The following ABCF1 variants were observed in gnomAD, a reference collection of about 807,000 sequenced individuals.
ABCF1 encodes ATP-binding cassette sub-family F member 1.
A neutral mutation model predicts 126.3 loss-of-function variants in ABCF1; 73 were observed. The observed-to-expected ratio is 0.58, with a 90% CI of 0.48 to 0.70. ABCF1 has a LOEUF of 0.70. Ranked by LOEUF, ABCF1 falls within the 30% of genes least tolerant of loss-of-function variation. The probability of loss-of-function intolerance (pLI) is 0.00; values close to 1 mark genes in which losing one functional copy is unlikely to be tolerated. For missense variants in ABCF1, 786 were observed against 1,057.5 expected, an observed-to-expected ratio of 0.74 and a Z score of 3.56; for synonymous variants, 345 against 396.4, an observed-to-expected ratio of 0.87 and a Z score of 1.54.
chr6:30,584,369 G>T lies in ABCF1; in HGVS notation c.1242+38G>T. 6.2e-7 allele frequency: 1 copy of T among 1,613,092 alleles called. No homozygotes were observed. The highest frequency in any genetic ancestry group is 1.1e-5 in the South Asian group (1 of 91,080). On this transcript the variant is annotated intron_variant, in intron 13 of 24. Coordinates refer to ENST00000326195, the MANE Select transcript of ABCF1 (RefSeq NM_001025091.2). This position sits in a 1 kb window ranked among gnomAD's most constrained non-coding sequence, Gnocchi z 4.6. ...GCGCAGGGGACACGGGCAAAGACTT[G>T]GGGGTTCCTGGGACCCTCAGACGTG...
In ABCF1 at chr6:30,583,269, T is replaced by C; in HGVS notation, c.915+81T>C. On this transcript the variant is annotated intron_variant, in intron 10 of 24. Coordinates refer to ENST00000326195, the MANE Select transcript of ABCF1 (RefSeq NM_001025091.2). The surrounding 1 kb of genome is among the most constrained non-coding windows in gnomAD (Gnocchi z 4.1). The stretch of plus-strand genomic sequence containing the variant: ...TCATCTTCCCTGAGTGGCTGTGGTG[T>C]GTGAATGGGTTAGTTCAGTGGGAAG... The C allele has an allele frequency of 6.6e-7, 1 of 1,522,620 alleles. No homozygotes were observed. The highest frequency in any genetic ancestry group is 8.9e-7 in the Non-Finnish European group (1 of 1,123,156). 94.3% of individuals were successfully genotyped at this position (1,522,620 alleles called of 1,614,324 possible).
At position 30,585,673 on chromosome 6, in the gene ABCF1, G is replaced by A. The variant is rs1802079298; in HGVS notation, c.1591G>A (p.Gly531Ser). The change falls in exon 16 of 25, where the codon GGC becomes AGC. Residue 531 changes from glycine to serine, a missense_variant. Around this residue, in one of 4 missense-constraint regions of ABCF1, gnomAD observed 288 missense variants for 423.5 expected, o/e 0.68. Coordinates refer to ENST00000326195, the MANE Select transcript of ABCF1 (RefSeq NM_001025091.2). ...LDAQRLHYYRGNYMTFKKMYQ... is the reference protein window; with the variant it reads ...LDAQRLHYYRSNYMTFKKMYQ... ...TGCCCAGCGGCTCCACTACTATAGG[G>A]GCAATTACAGTAAGTAGGATTGTGT... 5 of 1,612,872 alleles carry A rather than the reference G, an allele frequency of 3.1e-6. No individual in the cohort carries two copies. Among genetic ancestry groups the A allele is most frequent in the Non-Finnish European group, 4.2e-6 (5 of 1,180,004 alleles).
chr6:30,575,366 C>T (rs1259895420), intron 1 of ABCF1, among the ~76,000 whole-genome samples: 1 of 72,150 alleles, frequency 1.4e-5, no homozygotes, highest in Non-Finnish European at 2.6e-5. Flanking sequence ...CCGCACCCGA[C>T]CAATTTTTTT....
rs1561793255 is a variant in ABCF1 at position 30,583,051 on chromosome 6, T to C, written c.793-15T>C. The C allele has an allele frequency of 6.3e-7, 1 of 1,597,496 alleles. No individual in the cohort carries two copies. Among genetic ancestry groups the C allele is most frequent in the Non-Finnish European group, 8.6e-7 (1 of 1,167,520 alleles). ...TAGACTGTGGCTTCAAATGTAGTTT[T>C]TCCTACCTTCTCAGATGGAGTATGA... is the stretch of plus-strand genomic sequence containing the variant. On this transcript the variant is annotated splice_polypyrimidine_tract_variant and intron_variant, in intron 9 of 24. Coordinates refer to ENST00000326195, the MANE Select transcript of ABCF1 (RefSeq NM_001025091.2). This position sits in a 1 kb window ranked among gnomAD's most constrained non-coding sequence, Gnocchi z 4.1.
At chr6:30,576,939 G>A (rs905052576) in intron 1 of ABCF1, among the ~76,000 whole-genome samples, 1 of 152,146 alleles carries the variant, frequency 6.6e-6, no homozygotes, top group African/African-American at 2.4e-5. Context: ...TACACCATGT[G>A]TCTGACTAAC....
At chr6:30,587,026 G>C (rs1268547726) in intron 20 of ABCF1, among the ~76,000 whole-genome samples, 1 of 152,158 alleles carries the variant, frequency 6.6e-6, no homozygotes, top group Non-Finnish European at 1.5e-5. Context: ...TATAATCCCA[G>C]CAGGGATCAC....
In ABCF1 at chr6:30,584,100, G is replaced by C. The variant is rs1801977341; in HGVS notation, c.1103-92G>C. 6.5e-7 allele frequency: 1 copy of C among 1,530,790 alleles called. No homozygotes were observed. The highest frequency in any genetic ancestry group is 8.8e-7 in the Non-Finnish European group (1 of 1,137,106). The allele number at this position is 1,530,790 out of a possible 1,614,324, so 94.8% of individuals were successfully genotyped here. A position where few individuals can be genotyped will look rare whatever the true frequency, so the allele number is the denominator to read the frequency against. On this transcript the variant is annotated intron_variant, in intron 12 of 24. Transcript: ENST00000326195. This position sits in a 1 kb window ranked among gnomAD's most constrained non-coding sequence, Gnocchi z 4.6. ...TGGAACAAGTACAAAGAGCTGGGCA[G>C]GGTCAGGCAAAACAGAAATGTAATT...
rs141973436 is a variant in ABCF1 at position 30,574,835 on chromosome 6, A to G, written c.74-2574A>G. Among the ~76,000 whole-genome samples, 651 of 152,272 alleles carry G rather than the reference A, an allele frequency of 4.3e-3. 4 individuals carry two copies. Among genetic ancestry groups the G allele is most frequent in the African/African-American group, 0.015 (635 of 41,558 alleles). On this transcript the variant is annotated intron_variant, in intron 1 of 24. Transcript: ENST00000326195. This position sits in a 1 kb window ranked among gnomAD's most constrained non-coding sequence, Gnocchi z 4.3. ...CGTGCCTGGGACTTCATAAAGGAACAGAAAGAAGCCAGTATCGAGACCAGA... is the reference window on the plus strand; with the variant it reads ...CGTGCCTGGGACTTCATAAAGGAACGGAAAGAAGCCAGTATCGAGACCAGA...
rs1370022984 is a variant in ABCF1, at chr6:30,584,896, A to G, written c.1391+330A>G. Among the ~76,000 whole-genome samples the G allele has an allele frequency of 1.3e-5, 2 of 152,138 alleles. No homozygotes were observed. Among genetic ancestry groups the G allele is most frequent in the Non-Finnish European group, 2.9e-5 (2 of 68,024 alleles). ...AGACTCTATCTTCACAAAAGGGGGAAGAAAACATATCCTAGCCTGGGCAAC... is the reference window on the plus strand; with the variant it reads ...AGACTCTATCTTCACAAAAGGGGGAGGAAAACATATCCTAGCCTGGGCAAC... On this transcript the variant is annotated intron_variant, in intron 14 of 24. Coordinates refer to ENST00000326195, the MANE Select transcript of ABCF1 (RefSeq NM_001025091.2). This position sits in a 1 kb window ranked among gnomAD's most constrained non-coding sequence, Gnocchi z 4.6.
In ABCF1 at chr6:30,578,481, T is replaced by G. The variant is rs761850653; in HGVS notation, c.393T>G (p.Val131=). Residue 131 remains valine (V), a synonymous_variant, in exon 6 of 25, where the codon GTT becomes GTG. Coordinates refer to ENST00000326195, the MANE Select transcript of ABCF1 (RefSeq NM_001025091.2). ...RGGKKTKGGN[V]FAALIQDQSE... is the part of the protein sequence containing the mutation. ...CTTTCATTCTCTAGGGTGGTAATGT[T>G]TTTGCAGCCCTGATTCAGGATCAGA... 6.2e-7 allele frequency: 1 copy of G among 1,613,918 alleles called. No individual in the cohort carries two copies. The highest frequency in any genetic ancestry group is 2.2e-5 in the East Asian group (1 of 44,880).
intron 22 of ABCF1, 77 bp from the exon 23 acceptor site, chr6:30,590,072 A>G: frequency 6.2e-7 from 1 of 1,607,348 alleles, no homozygotes; most frequent in Non-Finnish European, 8.5e-7. Context: ...CTCAGCTCAC[A>G]AACTGGCACA....
rs1225449088 is a variant in ABCF1 at position 30,583,263 on chromosome 6, G to A, written c.915+75G>A. 1.3e-6 allele frequency: 2 copies of A among 1,541,136 alleles called. No homozygotes were observed. The highest frequency in any genetic ancestry group is 1.8e-6 in the Non-Finnish European group (2 of 1,136,248). ...GTTCTCTCATCTTCCCTGAGTGGCT[G>A]TGGTGTGTGAATGGGTTAGTTCAGT... On this transcript the variant is annotated intron_variant, in intron 10 of 24. Transcript: ENST00000326195. The surrounding 1 kb of genome is among the most constrained non-coding windows in gnomAD (Gnocchi z 4.1).
chr6:30,574,149 G>GTT lies in ABCF1; in HGVS notation c.73+2600_73+2601dup, dbSNP rs536648577. Among the ~76,000 whole-genome samples the GTT allele has an allele frequency of 2.8e-5, 4 of 144,024 alleles. No individual in the cohort carries two copies. The highest frequency in any genetic ancestry group is 2.0e-4 in the East Asian group (1 of 5,028). 94.5% of individuals were successfully genotyped at this position (144,024 alleles called of 152,430 possible). ...CAAAAGATTTTTTTGGTTTTGGTGGGTTTTTTTTTTTTGTGACGGAGCCTC... is the reference window on the plus strand; with the variant it reads ...CAAAAGATTTTTTTGGTTTTGGTGGGTTTTTTTTTTTTTTGTGACGGAGCCTC... On this transcript the variant is annotated intron_variant, in intron 1 of 24. Transcript: ENST00000326195. This position sits in a 1 kb window ranked among gnomAD's most constrained non-coding sequence, Gnocchi z 4.3.
chr6:30,582,991 C>T (rs1801904640), intron 9 of ABCF1, 75 bp from the exon 10 acceptor site: 3 of 1,544,810 alleles, frequency 1.9e-6, no homozygotes, highest in South Asian at 2.4e-5. Flanking sequence ...GCATGCCCAG[C>T]CAGCATGGGC....
At chr6:30,589,458 C>T (rs1006763221) in intron 20 of ABCF1, 8 of 583,334 alleles carry the variant, frequency 1.4e-5, no homozygotes, top group Non-Finnish European at 2.1e-5. Context: ...AAAAAATTAG[C>T]CGGGTGTGGT....
At position 30,590,527 on chromosome 6, in the gene ABCF1, C is replaced by T. The variant is rs753255983; in HGVS notation, c.2372-8C>T. On this transcript the variant is annotated splice_region_variant and splice_polypyrimidine_tract_variant and intron_variant, in intron 24 of 24. Transcript: ENST00000326195. The stretch of plus-strand genomic sequence containing the variant: ...CCTGCCCTCTGTTGTTGCTATCTTT[C>T]TTCAAAGCTGTGATCGTTGTCAGCC... 1.2e-6 allele frequency: 2 copies of T among 1,606,854 alleles called. No homozygotes were observed. The highest frequency in any genetic ancestry group is 1.7e-6 in the Non-Finnish European group (2 of 1,177,348).
chr6:30,571,495 A>C lies in ABCF1; in HGVS notation c.8A>C (p.Lys3Thr). The change falls in exon 1 of 25, where the codon AAG (lysine) becomes ACG (threonine). Residue 3 changes from lysine (K) to threonine (T), a missense_variant. Coordinates refer to ENST00000326195, the MANE Select transcript of ABCF1 (RefSeq NM_001025091.2). ...GCTGTAACTGCCACCGCGATGCCGA[A>C]GGCGCCCAAGCAGCAGCCGCCGGAG... MP[K>T]APKQQPPEPE... The C allele has an allele frequency of 1.2e-6, 2 of 1,610,670 alleles. No homozygotes were observed. The highest frequency in any genetic ancestry group is 1.7e-6 in the Non-Finnish European group (2 of 1,179,272).
intron 16 of ABCF1, 75 bp from the exon 17 acceptor site, chr6:30,585,804 C>T: frequency 6.4e-7 from 1 of 1,554,644 alleles, no homozygotes; most frequent in Admixed American, 1.8e-5. Context: ...CCTACCCCAT[C>T]ACCACCAGTC....
chr6:30,582,613 T>A, intron 9 of ABCF1, 106 bp downstream of exon 9: 1 of 1,138,712 alleles, frequency 8.8e-7, no homozygotes, highest in Non-Finnish European at 1.3e-6. Context: ...CTACTCCAAG[T>A]AAAACAATCG....
Sources: gnomAD v4.1 joint callset for allele counts (sites outside exome capture counted in the v4.1 genomes callset) on GRCh38, gnomAD v4.1.1 for gene constraint, gnomAD v4.1.1 regional missense constraint, Gnocchi (gnomAD v3.1) non-coding constraint, MANE v1.5 for transcripts, NCBI Gene and HGNC (gene_info 2026-07-23, HGNC 2026-07-21) for gene names.